The following GRM7 variants were observed in gnomAD, a reference collection of about 807,000 sequenced individuals.
The protein encoded by GRM7 is glutamate metabotropic receptor 7.
GRM7 carries 35 observed loss-of-function variants against 84.5 expected under a neutral mutation model. That is an observed-to-expected ratio of 0.41 (90% CI 0.32 to 0.55). GRM7 has a LOEUF of 0.55. Among genes scored for constraint, GRM7 ranks in the 20% least tolerant of loss-of-function variants. GRM7 has a pLI of 0.19. For missense variants in GRM7, 1,003 were observed against 1,194.6 expected (o/e 0.84, Z 2.36); for synonymous variants, 487 against 455.1 (o/e 1.07, Z -0.89).
chr3:7,336,235 T>A (rs746869609), intron 4 of GRM7, among the ~76,000 whole-genome samples: 35 of 151,926 alleles, frequency 2.3e-4, no homozygotes, highest in Non-Finnish European at 4.3e-4. Flanking sequence ...AGGGTTGGTT[T>A]AACATACGCA....
chr3:7,391,033 T>C (rs1351695799), intron 4 of GRM7, among the ~76,000 whole-genome samples: 1 of 152,072 alleles, frequency 6.6e-6, no homozygotes, highest in East Asian at 1.9e-4. Flanking sequence ...TGTGGCTTCT[T>C]GATTTTTTTT....
intron 1 of GRM7, among the ~76,000 whole-genome samples, chr3:6,915,257 C>A (rs1696903961): frequency 6.6e-6 from 1 of 151,782 alleles, no homozygotes; most frequent in Non-Finnish European, 1.5e-5. Context: ...TTATTTTTAC[C>A]CCTCTGTATA....
chr3:7,066,022 A>C (rs11919958), intron 1 of GRM7, among the ~76,000 whole-genome samples: 18,543 of 151,760 alleles, frequency 0.12, 1,661 homozygotes, highest in African/African-American at 0.25. Context: ...GGGATACAGC[A>C]AAGGCGGTGC....
intron 1 of GRM7, among the ~76,000 whole-genome samples, chr3:6,874,694 A>C (rs180804639): frequency 6.6e-6 from 1 of 152,170 alleles, no homozygotes; most frequent in East Asian, 1.9e-4. Flanking sequence ...ATTATACTAT[A>C]TCCTGGTAAG....
At chr3:7,534,955 A>G (rs779748) in intron 7 of GRM7, among the ~76,000 whole-genome samples, 93,566 of 151,974 alleles carry the variant, frequency 0.62, 29,829 homozygotes, top group African/African-American at 0.79. Flanking sequence ...TGTACATGCG[A>G]GCTATTGCCC....
chr3:7,134,647 G>T (rs1339396620), intron 1 of GRM7, among the ~76,000 whole-genome samples: 2 of 152,072 alleles, frequency 1.3e-5, no homozygotes, highest in African/African-American at 4.8e-5. Flanking sequence ...CCAGCATCTG[G>T]ATTCTGAAGT....
chr3:7,664,815 T>C (rs1457218175), intron 8 of GRM7, among the ~76,000 whole-genome samples: 1 of 152,210 alleles, frequency 6.6e-6, no homozygotes, highest in African/African-American at 2.4e-5. Flanking sequence ...TCCAATTCAT[T>C]TTCCTTATGT....
At chr3:6,921,674 A>G (rs1243345056) in intron 1 of GRM7, among the ~76,000 whole-genome samples, 1 of 152,100 alleles carries the variant, frequency 6.6e-6, no homozygotes, top group East Asian at 1.9e-4. Context: ...TGTCTTATTG[A>G]GTAATAGACC....
chr3:7,511,408 C>T (rs1174949709), intron 7 of GRM7, among the ~76,000 whole-genome samples: 2 of 150,340 alleles, frequency 1.3e-5, no homozygotes, highest in East Asian at 3.9e-4. Context: ...TGGTCACATA[C>T]AGAGGCTGCT....
At chr3:7,245,881 A>AT (rs1269442667) in intron 2 of GRM7, among the ~76,000 whole-genome samples, 5 of 152,160 alleles carry the variant, frequency 3.3e-5, no homozygotes, top group South Asian at 2.1e-4. Context: ...CATTTGTAGG[A>AT]TTTTTTTATA....
intron 1 of GRM7, among the ~76,000 whole-genome samples, chr3:6,899,807 A>G (rs1425924762): frequency 6.6e-6 from 1 of 152,224 alleles, no homozygotes; most frequent in Non-Finnish European, 1.5e-5. Flanking sequence ...AGATGTTCAT[A>G]CTTTTAATCA....
chr3:7,685,278 T>C (rs1049949702), intron 9 of GRM7, among the ~76,000 whole-genome samples: 1 of 152,226 alleles, frequency 6.6e-6, no homozygotes, highest in African/African-American at 2.4e-5. Context: ...TCTTTGGCTC[T>C]CATGCTTTCT....
At chr3:7,309,896 C>A (rs948299686) in intron 4 of GRM7, among the ~76,000 whole-genome samples, 2 of 152,194 alleles carry the variant, frequency 1.3e-5, no homozygotes, top group Non-Finnish European at 1.5e-5. Context: ...TGGCAGCACT[C>A]CTCCAGCTCC....
chr3:7,312,394 C>T (rs146486483), intron 4 of GRM7, among the ~76,000 whole-genome samples: 9 of 152,028 alleles, frequency 5.9e-5, no homozygotes, highest in African/African-American at 2.2e-4. Flanking sequence ...GGGAGGCAAT[C>T]AGTAGACTCA....
intron 1 of GRM7, among the ~76,000 whole-genome samples, chr3:7,005,610 C>T (rs911617851): frequency 6.6e-6 from 1 of 152,158 alleles, no homozygotes; most frequent in Non-Finnish European, 1.5e-5. Context: ...CATGAAACTC[C>T]TCTGGGCAGA....
intron 2 of GRM7, among the ~76,000 whole-genome samples, chr3:7,222,484 A>G (rs1164420198): frequency 6.6e-6 from 1 of 152,116 alleles, no homozygotes; most frequent in Non-Finnish European, 1.5e-5. Context: ...CAGTCCCACA[A>G]CCACAGAGAA....
intron 4 of GRM7, among the ~76,000 whole-genome samples, chr3:7,407,767 A>G (rs1454764693): frequency 2.0e-5 from 3 of 152,266 alleles, no homozygotes; most frequent in South Asian, 2.1e-4. Context: ...GTTAAATAAC[A>G]TAGCCAGTAG....
At chr3:7,111,698 A>G (rs1214001790) in intron 1 of GRM7, among the ~76,000 whole-genome samples, 2 of 152,076 alleles carry the variant, frequency 1.3e-5, no homozygotes, top group African/African-American at 4.8e-5. Context: ...TTCACATTTT[A>G]TTTTTAACTA....
chr3:6,982,646 G>A (rs530182704), intron 1 of GRM7, among the ~76,000 whole-genome samples: 5 of 150,910 alleles, frequency 3.3e-5, no homozygotes, highest in Non-Finnish European at 4.4e-5. Flanking sequence ...TTACTTTATC[G>A]TCAGAGTCTC....
Sources: allele counts gnomAD v4.1 joint callset (sites outside exome capture counted in the v4.1 genomes callset), GRCh38; gene constraint gnomAD v4.1.1; transcripts MANE v1.5; gene names NCBI Gene and HGNC (gene_info 2026-07-23, HGNC 2026-07-21).